The following SNRNP35 variants were observed in gnomAD, a reference collection of about 807,000 sequenced individuals.
The protein encoded by SNRNP35 is U11/U12 small nuclear ribonucleoprotein 35 kDa protein.
In SNRNP35, 16 loss-of-function variants were observed where a neutral mutation model predicts 24.3. That is an observed-to-expected ratio of 0.66 (90% CI 0.45 to 1.00). SNRNP35 has a LOEUF of 1.00. Ranked by LOEUF, SNRNP35 falls within the 50% of genes least tolerant of loss-of-function variation. The pLI is 0.00. For synonymous variants in SNRNP35, 106 were observed against 124.8 expected (o/e 0.85, Z 1.00); for missense variants, 292 against 327.2 (o/e 0.89, Z 0.83).
downstream of SNRNP35, among the ~76,000 whole-genome samples, chr12:123,468,936 G>A (rs758083672): frequency 2.0e-5 from 3 of 152,172 alleles, no homozygotes; most frequent in Non-Finnish European, 2.9e-5. Flanking sequence ...AGGATTGGAA[G>A]GAAGCTACCT....
In SNRNP35 at chr12:123,465,973, G is replaced by T. The variant is rs776345334; in HGVS notation, c.433G>T (p.Gly145Trp). The change falls in exon 2 of 2, where the codon GGG (glycine) becomes TGG (tryptophan). Residue 145 changes from glycine to tryptophan, a missense_variant. Gly to Trp is a radical substitution (Grantham distance 184). Coordinates refer to ENST00000526639, the MANE Select transcript of SNRNP35 (RefSeq NM_022717.4). The surrounding 1 kb of genome is among the most constrained non-coding windows in gnomAD (Gnocchi z 4.2). ...WIPRRLGGGLGGKKESGQLRF... is the reference protein window; with the variant it reads ...WIPRRLGGGLWGKKESGQLRF... ...CCCTCGGCGACTTGGAGGCGGTCTT[G>T]GGGGAAAAAAGGAGTCTGGGCAACT... 4.3e-6 allele frequency: 7 copies of T among 1,613,866 alleles called. No individual in the cohort carries two copies. Among genetic ancestry groups the T allele is most frequent in the Non-Finnish European group, 5.9e-6 (7 of 1,179,998 alleles).
At chr12:123,462,661 T>C (rs912040915) in intron 1 of SNRNP35, among the ~76,000 whole-genome samples, 4 of 152,034 alleles carry the variant, frequency 2.6e-5, no homozygotes, top group African/African-American at 9.7e-5. Context: ...AGCTAATTTT[T>C]TGTATTTTTA....
chr12:123,470,044 T>G (rs750920241), downstream of SNRNP35: 4 of 151,954 alleles, frequency 2.6e-5, no homozygotes, highest in Non-Finnish European at 5.9e-5. Context: ...TACACACATG[T>G]ACATATATAT....
chr12:123,460,602 CAAAAAA>C (rs35255989), intron 1 of SNRNP35, among the ~76,000 whole-genome samples: 2 of 78,694 alleles, frequency 2.5e-5, no homozygotes, highest in Non-Finnish European at 4.4e-5. Context: ...CCCATCTCTA[CAAAAAA>C]AAAAAAAAAA....
intron 1 of SNRNP35, among the ~76,000 whole-genome samples, chr12:123,461,423 G>C (rs1167731821): frequency 6.6e-6 from 1 of 151,816 alleles, no homozygotes; most frequent in East Asian, 1.9e-4. Flanking sequence ...ACCGCGCCCG[G>C]CTGCCTCTTC....
chr12:123,463,930 ATTTTT>A (rs35927970), intron 1 of SNRNP35, among the ~76,000 whole-genome samples: 1 of 110,518 alleles, frequency 9.0e-6, no homozygotes. Flanking sequence ...CGCCTGGCTA[ATTTTT>A]TTTTTTTTTT....
intron 1 of SNRNP35, 57 bp downstream of exon 1, chr12:123,458,273 G>A (rs1223416592): frequency 3.1e-5 from 30 of 973,858 alleles, no homozygotes; most frequent in Non-Finnish European, 3.7e-5. Context: ...GGAAGAGGGA[G>A]TGCGGCCCAG....
chr12:123,462,273 C>T (rs890572751), intron 1 of SNRNP35, among the ~76,000 whole-genome samples: 6 of 151,990 alleles, frequency 3.9e-5, no homozygotes, highest in African/African-American at 1.5e-4. Context: ...AGCATATTCC[C>T]AAGAGAAGAA....
chr12:123,472,167 A>G (rs1881231615), exon 2 of SNRNP35: 1 of 225,000 alleles, frequency 4.4e-6, no homozygotes, highest in Non-Finnish European at 8.9e-6. Flanking sequence ...ACCTCTACAC[A>G]TAGCATTTTA....
At chr12:123,463,684 G>A (rs1385802368) in intron 1 of SNRNP35, among the ~76,000 whole-genome samples, 7 of 152,096 alleles carry the variant, frequency 4.6e-5, no homozygotes, top group African/African-American at 1.4e-4. Flanking sequence ...ACAGGCGTGA[G>A]CTACCGCGCT....
downstream of SNRNP35, chr12:123,471,872 T>C (rs907628702): frequency 2.0e-5 from 3 of 152,872 alleles, no homozygotes; most frequent in Admixed American, 2.0e-4. Flanking sequence ...TCACAGCAGA[T>C]TCCAAGGCAC....
chr12:123,464,096 G>A (rs1054838000), intron 1 of SNRNP35, among the ~76,000 whole-genome samples: 2 of 151,428 alleles, frequency 1.3e-5, no homozygotes, highest in Non-Finnish European at 2.9e-5. Context: ...ACCACGCCCC[G>A]CTAATTTTGT....
intron 1 of SNRNP35, among the ~76,000 whole-genome samples, 177 bp downstream of exon 1, chr12:123,458,393 G>C (rs9803125): frequency 0.83 from 126,314 of 151,858 alleles, 52,694 homozygotes; most frequent in East Asian, 1. Flanking sequence ...GAAGGATGGC[G>C]CCTTACTCCC....
Position 123,458,450 on chromosome 12 carries a change from T to A in SNRNP35, c.-4+234T>A, listed in dbSNP as rs1404761924. Among the ~76,000 whole-genome samples the A allele has an allele frequency of 6.6e-5, 10 of 151,966 alleles. No homozygotes were observed. In the East Asian group the frequency reaches 1.9e-3, roughly 29 times the overall value. ...GGGGCGGGGGAGCGGCCTCGAGGGT[T>A]GGCGGCCAGGCTGCAGGCTGGATGG... is the stretch of plus-strand genomic sequence containing the variant. On this transcript the variant is annotated intron_variant, in intron 1 of 1. Transcript: ENST00000526639.
At chr12:123,461,067 G>T (rs559897744) in intron 1 of SNRNP35, among the ~76,000 whole-genome samples, 2 of 143,718 alleles carry the variant, frequency 1.4e-5, no homozygotes, top group African/African-American at 5.2e-5. Context: ...CTCCCATTTT[G>T]GCCTCTCAAA....
Position 123,458,215 on chromosome 12 carries a change from A to C in SNRNP35, c.-5A>C, listed in dbSNP as rs917409974. The C allele has an allele frequency of 5.9e-5, 58 of 985,446 alleles. No homozygotes were observed. In the African/African-American group the frequency reaches 9.1e-4, roughly 15 times the overall value. 61.0% of individuals were successfully genotyped at this position (985,446 alleles called of 1,614,324 possible). ...TCGGAAGGGAGCCCAAGCTTTGCAG[A>C]GGTGAGTGGAAGCGGCTTGGAAGGA... On this transcript the variant is annotated splice_region_variant and 5_prime_UTR_variant, in exon 1 of 2. Coordinates refer to ENST00000526639, the MANE Select transcript of SNRNP35 (RefSeq NM_022717.4).
chr12:123,458,520 G>T (rs1173987229), intron 1 of SNRNP35, among the ~76,000 whole-genome samples: 3 of 152,004 alleles, frequency 2.0e-5, no homozygotes, highest in Non-Finnish European at 4.4e-5. Flanking sequence ...TGCCTCCGAG[G>T]CCCACTGCGC....
chr12:123,472,144 C>T, exon 2 of SNRNP35: 1 of 183,462 alleles, frequency 5.5e-6, no homozygotes, highest in Non-Finnish European at 1.2e-5. Context: ...ACTATGTCAC[C>T]TGTGATAATA....
intron 1 of SNRNP35, chr12:123,459,743 GGCCATTGCACTCCAGCCTGGGTGACAGA>G: frequency 9.4e-7 from 1 of 1,059,006 alleles, no homozygotes. Flanking sequence ...AGCCGAGATT[GGCCATTGCACTCCAGCCTGGGTGACAGA>G]GTGAGACTTT....
Sources: allele counts gnomAD v4.1 joint callset (sites outside exome capture counted in the v4.1 genomes callset), GRCh38; gene constraint gnomAD v4.1.1; non-coding constraint Gnocchi (gnomAD v3.1); transcripts MANE v1.5; gene names NCBI Gene and HGNC (gene_info 2026-07-23, HGNC 2026-07-21).